ABCC9: variants seen among roughly 807,000 people sequenced by gnomAD.
ABCC9 encodes ATP-binding cassette sub-family C member 9.
ABCC9 carries 95 observed loss-of-function variants against 188.3 expected under a neutral mutation model. That is an observed-to-expected ratio of 0.50 (90% CI 0.43 to 0.60). ABCC9 has a LOEUF of 0.60. Ranked by LOEUF, ABCC9 falls within the 20% of genes least tolerant of loss-of-function variation. The pLI, the probability that ABCC9 is intolerant of heterozygous loss-of-function variation, is 0.00. For synonymous variants in ABCC9, 659 were observed against 652.7 expected, an observed-to-expected ratio of 1.01 and a Z score of -0.15; for missense variants, 1,102 against 1,876.3, an observed-to-expected ratio of 0.59 and a Z score of 7.62.
intron 3 of ABCC9, 22 bp downstream of exon 3, chr12:21,936,506 TATAAC>T (rs1949492601): frequency 6.3e-7 from 1 of 1,581,388 alleles, no homozygotes; most frequent in Admixed American, 1.7e-5. Flanking sequence ...CATCAAATGG[TATAAC>T]ATAAGATACT....
intron 31 of ABCC9, chr12:21,828,671 A>G (rs562807989): frequency 2.5e-6 from 1 of 404,962 alleles, no homozygotes. Flanking sequence ...TTTGGAAAAA[A>G]AAATTTGAAG....
chr12:21,824,594 G>T (rs1318417542), intron 31 of ABCC9, among the ~76,000 whole-genome samples: 1 of 152,176 alleles, frequency 6.6e-6, no homozygotes, highest in African/African-American at 2.4e-5. Context: ...ACCTCCAGTA[G>T]AATTTGGCTG....
rs1429205709 is a variant in ABCC9 at position 21,895,444 on chromosome 12, T to A, written c.1619-129A>T. 7.5e-6 allele frequency: 6 copies of A among 804,338 alleles called. No individual in the cohort carries two copies. In the African/African-American group the frequency reaches 1.0e-4, roughly 14 times the overall value. The allele number at this position is 804,338 out of a possible 1,614,324, so 49.8% of individuals were successfully genotyped here. A position where few individuals can be genotyped will look rare whatever the true frequency, so the allele number is the denominator to read the frequency against. On this transcript the variant is annotated intron_variant, in intron 12 of 39. Coordinates refer to ENST00000261200, the MANE Select transcript of ABCC9 (RefSeq NM_020297.4). Reference sequence around the variant, plus strand: ...ACAAAGAGTATTAAATGTCATTTTGTCTGGAGTCCACAAACATTTACCAGT... The same window carrying A: ...ACAAAGAGTATTAAATGTCATTTTGACTGGAGTCCACAAACATTTACCAGT...
rs140182559 is a variant in ABCC9, at chr12:21,818,192, C to G, written c.3729G>C (p.Ser1243=). The change falls in exon 32 of 40, where the codon TCG becomes TCC. Residue 1243 remains serine, a synonymous_variant. Transcript: ENST00000261200. ...TASIASISGS[S]NSGLVGLGLL... is the part of the protein sequence containing the mutation. Reference sequence around the variant, plus strand: ...GACCCAAGCCTACCAATCCAGAATTCGAAGACCCACTAATGGATGCTATAG... The same window carrying G: ...GACCCAAGCCTACCAATCCAGAATTGGAAGACCCACTAATGGATGCTATAG... 2 of 1,613,912 alleles carry G rather than the reference C, an allele frequency of 1.2e-6. No individual in the cohort carries two copies. Among genetic ancestry groups the G allele is most frequent in the Admixed American group, 3.3e-5 (2 of 59,976 alleles).
intron 17 of ABCC9, among the ~76,000 whole-genome samples, chr12:21,872,974 T>A (rs892454815): frequency 6.6e-6 from 1 of 151,792 alleles, no homozygotes; most frequent in Admixed American, 6.6e-5. Context: ...AAGAAAGTAA[T>A]GAAATAATTG....
intron 37 of ABCC9, among the ~76,000 whole-genome samples, chr12:21,808,575 G>C (rs74069167): frequency 0.021 from 3,230 of 152,028 alleles, 113 homozygotes; most frequent in African/African-American, 0.073. Flanking sequence ...AATTTCTCAA[G>C]TAGACTTGCT....
In ABCC9 at chr12:21,814,684, C is replaced by T. The variant is rs145005748; in HGVS notation, c.4062G>A (p.Ser1354=). 190 of 1,613,818 alleles carry T rather than the reference C, an allele frequency of 1.2e-4. 1 individual carries two copies. In the Middle Eastern group the frequency reaches 3.8e-3, roughly 32 times the overall value. The change falls in exon 35 of 40, where the codon TCG becomes TCA. Residue 1354 remains serine, a synonymous_variant. Coordinates refer to ENST00000261200, the MANE Select transcript of ABCC9 (RefSeq NM_020297.4). ...ICGRTGSGKS[S]LSLAFFRMVD... is the part of the protein sequence containing the mutation. The stretch of plus-strand genomic sequence containing the variant: ...CCATTCTGAAGAAAGCCAGAGATAA[C>T]GATGATTTCCCACTGCCAGTGCGAC...
intron 17 of ABCC9, 75 bp downstream of exon 17, chr12:21,875,579 T>C: frequency 1.8e-6 from 2 of 1,095,264 alleles, no homozygotes; most frequent in Non-Finnish European, 2.8e-6. Flanking sequence ...TATCTTTTTG[T>C]TAGGCTCAAT....
Position 21,882,702 on chromosome 12 carries a change from C to T in ABCC9, c.2019+64G>A, listed in dbSNP as rs990582811. ...CACAATTTGGGACACTTTCACAGAA[C>T]TTCACCATAAAATAGTAACATAAAT... On this transcript the variant is annotated intron_variant, in intron 16 of 39. Coordinates refer to ENST00000261200, the MANE Select transcript of ABCC9 (RefSeq NM_020297.4). 21 of 1,417,394 alleles carry T rather than the reference C, an allele frequency of 1.5e-5. No individual in the cohort carries two copies. The Admixed American group carries it at 3.4e-4, about 23-fold the overall frequency. 87.8% of individuals were successfully genotyped at this position (1,417,394 alleles called of 1,614,324 possible).
At position 21,925,959 on chromosome 12, in the gene ABCC9, A is replaced by T. The variant is rs1305902300; in HGVS notation, c.389T>A (p.Phe130Tyr). 1 of 1,613,052 alleles carries T rather than the reference A, an allele frequency of 6.2e-7. No individual in the cohort carries two copies. Among genetic ancestry groups the T allele is most frequent in the East Asian group, 2.2e-5 (1 of 44,878 alleles). The change falls in exon 5 of 40, where the codon TTT becomes TAT. Residue 130 changes from phenylalanine to tyrosine, a missense_variant. Phe to Tyr is a conservative substitution (Grantham distance 22). Around this residue, in one of 12 missense-constraint regions of ABCC9, gnomAD observed 305 missense variants for 573.0 expected, o/e 0.53. Coordinates refer to ENST00000261200, the MANE Select transcript of ABCC9 (RefSeq NM_020297.4). ...VYYHNIETSN[F>Y]PKLLLALFLY... ...ATACTTACCTAAAAGTAATTTAGGA[A>T]AATTTGATGTTTCGATATTATGATA... is the stretch of plus-strand genomic sequence containing the variant.
At chr12:21,929,356 T>G (rs1465442127) in intron 4 of ABCC9, among the ~76,000 whole-genome samples, 1 of 151,920 alleles carries the variant, frequency 6.6e-6, no homozygotes, top group Non-Finnish European at 1.5e-5. Flanking sequence ...AAAGGATTCC[T>G]AAACCTAGGA....
intron 5 of ABCC9, among the ~76,000 whole-genome samples, chr12:21,918,667 A>G (rs774692644): frequency 1.1e-4 from 17 of 152,188 alleles, no homozygotes; most frequent in Middle Eastern, 3.4e-3. Context: ...TCTCTATTCC[A>G]GGTTCTCACG....
At chr12:21,910,431 T>G (rs1948262729) in intron 9 of ABCC9, 119 bp from the exon 10 acceptor site, 1 of 1,000,502 alleles carries the variant, frequency 1.0e-6, no homozygotes, top group Non-Finnish European at 1.4e-6. Flanking sequence ...AAAAGAAAAA[T>G]TCTATAGGAT....
chr12:21,937,474 C>T (rs533161979), intron 2 of ABCC9, among the ~76,000 whole-genome samples: 3 of 152,166 alleles, frequency 2.0e-5, no homozygotes, highest in East Asian at 1.9e-4. Flanking sequence ...GTCAGGATTG[C>T]GGCTTCTACT....
intron 18 of ABCC9, among the ~76,000 whole-genome samples, chr12:21,866,806 G>A (rs1433611377): frequency 6.6e-6 from 1 of 152,128 alleles, no homozygotes; most frequent in African/African-American, 2.4e-5. Context: ...TCTCATCCAG[G>A]TTGCAATGCA....
chr12:21,832,359 T>G (rs1283818), intron 30 of ABCC9, among the ~76,000 whole-genome samples: 4,111 of 152,240 alleles, frequency 0.027, 99 homozygotes, highest in Non-Finnish European at 0.045. Context: ...GGGACTCCAG[T>G]TAGCTTGAAA....
intron 7 of ABCC9, among the ~76,000 whole-genome samples, 154 bp downstream of exon 7, chr12:21,915,514 A>ATAT: frequency 5.7e-4 from 2 of 3,520 alleles, no homozygotes; most frequent in African/African-American, 2.2e-3. Flanking sequence ...ATATATATAT[A>ATAT]TTTTTTTTTT....
intron 25 of ABCC9, 108 bp from the exon 26 acceptor site, chr12:21,845,940 G>C: frequency 1.1e-6 from 1 of 899,010 alleles, no homozygotes; most frequent in East Asian, 2.6e-5. Flanking sequence ...AAAAATGTAA[G>C]CATTAGTATT....
At chr12:21,904,431 A>T (rs1476610313) in intron 12 of ABCC9, among the ~76,000 whole-genome samples, 1 of 152,220 alleles carries the variant, frequency 6.6e-6, no homozygotes, top group East Asian at 1.9e-4. Flanking sequence ...GACAAATGGA[A>T]TCTAACTAAA....
Sources: allele counts gnomAD v4.1 joint callset (sites outside exome capture counted in the v4.1 genomes callset), GRCh38; gene constraint gnomAD v4.1.1; regional missense constraint gnomAD v4.1.1; transcripts MANE v1.5; gene names NCBI Gene and HGNC (gene_info 2026-07-23, HGNC 2026-07-21).